PHC2: variants seen among roughly 807,000 people sequenced by gnomAD.
PHC2 encodes the protein polyhomeotic homolog 2, also known as polyhomeotic-like protein 2.
In PHC2, 29 loss-of-function variants were observed where a neutral mutation model predicts 87.4. The ratio of observed to expected loss-of-function variants is 0.33; its 90% confidence interval spans 0.25 to 0.45. The LOEUF (loss-of-function observed/expected upper bound fraction) is 0.45, where lower values mean the gene tolerates loss of function less well. PHC2 is among the 20% of genes least tolerant of loss of function. PHC2 has a pLI of 1.00. For synonymous variants in PHC2, 438 were observed against 461.7 expected (o/e 0.95, Z 0.66); for missense variants, 857 against 1,136.7 (o/e 0.75, Z 3.54).
At chr1:33,325,324 C>A in intron 14 of PHC2, 1 of 298,246 alleles carries the variant, frequency 3.4e-6, no homozygotes. Context: ...ATTTCTGAGG[C>A]TAGATCATAA....
chr1:33,328,828 C>T (rs1466256937), intron 14 of PHC2, 42 bp downstream of exon 14: 3 of 1,560,056 alleles, frequency 1.9e-6, no homozygotes, highest in Non-Finnish European at 2.6e-6. Flanking sequence ...TTTTCTCTTT[C>T]CTTGCTATTC....
intron 1 of PHC2, among the ~76,000 whole-genome samples, chr1:33,404,791 T>C (rs1012871252): frequency 5.3e-5 from 8 of 152,196 alleles, no homozygotes; most frequent in African/African-American, 1.9e-4. Flanking sequence ...GGAATTAAAA[T>C]TGAATGATAT....
chr1:33,414,415 A>G (rs1570513806), intron 1 of PHC2, among the ~76,000 whole-genome samples: 2 of 152,256 alleles, frequency 1.3e-5, no homozygotes, highest in Non-Finnish European at 2.9e-5. Flanking sequence ...TGTTCTCACT[A>G]TTGTTTTGAT....
At chr1:33,347,189 AG>A (rs2148253624) in intron 9 of PHC2, 1 of 985,452 alleles carries the variant, frequency 1.0e-6, no homozygotes, top group African/African-American at 1.7e-5. Flanking sequence ...GCTTGGTGGC[AG>A]GAAGAGAAAT....
chr1:33,379,382 C>T (rs1648369607), intron 1 of PHC2, among the ~76,000 whole-genome samples: 1 of 51,530 alleles, frequency 1.9e-5, no homozygotes, highest in Non-Finnish European at 3.8e-5. Flanking sequence ...TCCCCCCCTT[C>T]CCCCCGGTCT....
Position 33,349,729 on chromosome 1 carries a change from G to A in PHC2, c.1558+4672C>T, listed in dbSNP as rs975114097. ...GGGAGCCTCCGAGCCGGGGCCCGGG[G>A]CTGCCGCGGCGCATCCGACCGCACC... On this transcript the variant is annotated intron_variant, in intron 9 of 14. Coordinates refer to ENST00000683057, the MANE Select transcript of PHC2 (RefSeq NM_001385109.1). The surrounding 1 kb of genome is among the most constrained non-coding windows in gnomAD (Gnocchi z 4.2). 8.0e-6 allele frequency: 8 copies of A among 995,362 alleles called. No homozygotes were observed. Among genetic ancestry groups the A allele is most frequent in the Middle Eastern group, 1.0e-3 (2 of 1,998 alleles). The allele number at this position is 995,362 out of a possible 1,614,324, so 61.7% of individuals were successfully genotyped here.
chr1:33,326,019 G>A, intron 14 of PHC2: 1 of 373,056 alleles, frequency 2.7e-6, no homozygotes, highest in Middle Eastern at 4.0e-4. Context: ...TCTCTGTTAT[G>A]AAATAAAAGA....
chr1:33,368,725 C>A lies in PHC2; in HGVS notation c.577-103G>T. On this transcript the variant is annotated intron_variant, in intron 5 of 14. Transcript: ENST00000683057. This position sits in a 1 kb window ranked among gnomAD's most constrained non-coding sequence, Gnocchi z 6.6. ...GGAAACGAGGCGCCTTTTACCTGCT[C>A]GATGTGGACTCAGCCACAGGACACA... 1 of 798,644 alleles carries A rather than the reference C, an allele frequency of 1.3e-6. No individual in the cohort carries two copies. Among genetic ancestry groups the A allele is most frequent in the South Asian group, 1.5e-5 (1 of 68,210 alleles). 49.5% of individuals were successfully genotyped at this position (798,644 alleles called of 1,614,324 possible).
At chr1:33,338,592 C>T (rs1236300779) in intron 9 of PHC2, among the ~76,000 whole-genome samples, 1 of 152,242 alleles carries the variant, frequency 6.6e-6, no homozygotes, top group Non-Finnish European at 1.5e-5. Flanking sequence ...ATCTGCTTCC[C>T]GCTCTCCCAG....
chr1:33,394,979 C>T (rs1238742823), intron 1 of PHC2, among the ~76,000 whole-genome samples: 1 of 152,150 alleles, frequency 6.6e-6, no homozygotes. Context: ...CCAGAAATTC[C>T]ATCCTTAGGA....
chr1:33,387,089 T>C (rs944893587), intron 1 of PHC2, among the ~76,000 whole-genome samples: 4 of 152,172 alleles, frequency 2.6e-5, no homozygotes, highest in African/African-American at 9.7e-5. Context: ...GCCTAAAAAC[T>C]TATCTAGAAA....
chr1:33,406,811 T>C (rs955668959), intron 1 of PHC2, among the ~76,000 whole-genome samples: 6 of 152,212 alleles, frequency 3.9e-5, no homozygotes, highest in Non-Finnish European at 5.9e-5. Flanking sequence ...GATTGCTGTT[T>C]TTTATCAATT....
chr1:33,395,300 G>A (rs1649247113), intron 1 of PHC2, among the ~76,000 whole-genome samples: 2 of 152,146 alleles, frequency 1.3e-5, no homozygotes, highest in Non-Finnish European at 2.9e-5. Context: ...GGTACGGGGT[G>A]GGGAATGGCT....
intron 1 of PHC2, among the ~76,000 whole-genome samples, chr1:33,422,915 T>C (rs938028134): frequency 1.3e-5 from 2 of 151,928 alleles, no homozygotes; most frequent in Non-Finnish European, 2.9e-5. Flanking sequence ...CCCCAGGAAA[T>C]AAAGAAAGGT....
At chr1:33,409,134 T>TA (rs573878631) in intron 1 of PHC2, among the ~76,000 whole-genome samples, 44 of 152,348 alleles carry the variant, frequency 2.9e-4, no homozygotes, top group Admixed American at 2.0e-3. Flanking sequence ...ATTTAAAAAA[T>TA]ATACATCTAG....
Position 33,349,705 on chromosome 1 carries a change from G to T in PHC2, c.1558+4696C>A. 1 of 993,228 alleles carries T rather than the reference G, an allele frequency of 1.0e-6. No individual in the cohort carries two copies. The highest frequency in any genetic ancestry group is 4.3e-5 in the South Asian group (1 of 23,462). 61.5% of individuals were successfully genotyped at this position (993,228 alleles called of 1,614,324 possible). A position where few individuals can be genotyped will look rare whatever the true frequency, so the allele number is the denominator to read the frequency against. The stretch of plus-strand genomic sequence containing the variant: ...CGGGCGGGCCGCCTCCTCTCCGCCG[G>T]GAGCCTCCGAGCCGGGGCCCGGGGC... On this transcript the variant is annotated intron_variant, in intron 9 of 14. Coordinates refer to ENST00000683057, the MANE Select transcript of PHC2 (RefSeq NM_001385109.1). The surrounding 1 kb of genome is among the most constrained non-coding windows in gnomAD (Gnocchi z 4.2).
At chr1:33,367,539 T>C (rs1320859108) in intron 6 of PHC2, 111 bp from the exon 7 acceptor site, 9 of 849,614 alleles carry the variant, frequency 1.1e-5, no homozygotes, top group African/African-American at 3.4e-5. Context: ...GAACAGGAGG[T>C]TGTCAAATCA....
chr1:33,370,294 C>T, intron 5 of PHC2, 127 bp downstream of exon 5: 1 of 859,934 alleles, frequency 1.2e-6, no homozygotes, highest in Non-Finnish European at 1.8e-6. Context: ...CTTCTTTATC[C>T]CACCCCTTAT....
At chr1:33,378,042 A>G (rs1255087658) in intron 1 of PHC2, among the ~76,000 whole-genome samples, 3 of 152,222 alleles carry the variant, frequency 2.0e-5, no homozygotes, top group Admixed American at 6.5e-5. Flanking sequence ...TTTTACTGCC[A>G]TAGAGCAAGG....
Sources: gnomAD v4.1 joint callset for allele counts (sites outside exome capture counted in the v4.1 genomes callset) on GRCh38, gnomAD v4.1.1 for gene constraint, Gnocchi (gnomAD v3.1) non-coding constraint, MANE v1.5 for transcripts, NCBI Gene and HGNC (gene_info 2026-07-23, HGNC 2026-07-21) for gene names.